The following SMAD1 variants were observed in gnomAD, a reference collection of about 807,000 sequenced individuals.
The protein encoded by SMAD1 is SMAD family member 1, also known as MAD, mothers against decapentaplegic homolog 1.
Under a neutral mutation model 41.6 loss-of-function variants are expected in SMAD1, and 6 were observed. That is an observed-to-expected ratio of 0.14 (90% confidence interval 0.08 to 0.28). SMAD1 has a LOEUF of 0.28. Ranked by LOEUF, SMAD1 falls within the 10% of genes least tolerant of loss-of-function variation. The pLI is 1.00. For missense variants in SMAD1, 379 were observed against 582.6 expected, an observed-to-expected ratio of 0.65 and a Z score of 3.60; for synonymous variants, 206 against 203.2, an observed-to-expected ratio of 1.01 and a Z score of -0.12.
intron 5 of SMAD1, among the ~76,000 whole-genome samples, chr4:145,552,541 T>C (rs1006173819): frequency 6.6e-6 from 1 of 152,190 alleles, no homozygotes; most frequent in African/African-American, 2.4e-5. Context: ...CTTTAAGCAC[T>C]CTGGGTCTCA....
At chr4:145,554,303 A>G (rs1404983865) in intron 6 of SMAD1, among the ~76,000 whole-genome samples, 2 of 152,110 alleles carry the variant, frequency 1.3e-5, no homozygotes, top group South Asian at 2.1e-4. Context: ...CGCTTTAGCT[A>G]TTGTATTACC....
At chr4:145,513,497 G>A (rs1386520414) in intron 1 of SMAD1, 1 of 152,150 alleles carries the variant, frequency 6.6e-6, no homozygotes, top group African/African-American at 2.4e-5. Flanking sequence ...GTGTCCATGT[G>A]CTTTATTCCT....
At chr4:145,553,085 T>TG (rs1732639240) in intron 5 of SMAD1, among the ~76,000 whole-genome samples, 1 of 150,954 alleles carries the variant, frequency 6.6e-6, no homozygotes, top group South Asian at 2.1e-4. Context: ...TTGTATTTTT[T>TG]TTTTTTTTTG....
intron 1 of SMAD1, among the ~76,000 whole-genome samples, chr4:145,502,073 G>A (rs1312911249): frequency 6.6e-6 from 1 of 152,176 alleles, no homozygotes; most frequent in Non-Finnish European, 1.5e-5. Context: ...GACTCAAAGA[G>A]AATAGTTTTT....
In SMAD1 at chr4:145,482,601, C is replaced by T. The variant is rs1173844205; in HGVS notation, c.-177+563C>T. 1 of 152,180 alleles carries T rather than the reference C, an allele frequency of 6.6e-6. No homozygotes were observed. Among genetic ancestry groups the T allele is most frequent in the African/African-American group, 2.4e-5 (1 of 41,434 alleles). The allele number at this position is 152,180 out of a possible 1,614,324, so 9.4% of individuals were successfully genotyped here. On this transcript the variant is annotated intron_variant, in intron 1 of 6. Transcript: ENST00000302085. This position sits in a 1 kb window ranked among gnomAD's most constrained non-coding sequence, Gnocchi z 4.2. ...TCGCGGGCGGGGGACCCCGGCGCCC[C>T]GGGCCCCTCCACATCCCGCACGGGT...
chr4:145,535,646 A>G (rs1358287306), intron 2 of SMAD1, among the ~76,000 whole-genome samples: 2 of 152,304 alleles, frequency 1.3e-5, no homozygotes, highest in East Asian at 3.9e-4. Flanking sequence ...TCAAGAAGAA[A>G]CACAGGATAA....
intron 5 of SMAD1, among the ~76,000 whole-genome samples, chr4:145,547,475 A>G (rs1209433104): frequency 6.6e-6 from 1 of 152,232 alleles, no homozygotes; most frequent in Non-Finnish European, 1.5e-5. Flanking sequence ...AATAAAGACC[A>G]AAAAACAAGC....
At chr4:145,494,562 T>C (rs778860680) in intron 1 of SMAD1, among the ~76,000 whole-genome samples, 1 of 152,226 alleles carries the variant, frequency 6.6e-6, no homozygotes, top group Non-Finnish European at 1.5e-5. Flanking sequence ...CTCCCTTGTC[T>C]ACTCATCAAA....
At chr4:145,536,774 ACTT>A (rs1273276950) in intron 2 of SMAD1, among the ~76,000 whole-genome samples, 5 of 152,316 alleles carry the variant, frequency 3.3e-5, no homozygotes, top group Non-Finnish European at 5.9e-5. Context: ...ATCTCTCACT[ACTT>A]ATTAATTACA....
intron 2 of SMAD1, 71 bp from the exon 3 acceptor site, chr4:145,539,733 C>A: frequency 6.8e-7 from 1 of 1,462,366 alleles, no homozygotes; most frequent in Non-Finnish European, 9.5e-7. Flanking sequence ...TTATGTTTTA[C>A]TTTATTGTGA....
At position 145,552,049 on chromosome 4, in the gene SMAD1, A is replaced by G. The variant is rs979561930; in HGVS notation, c.998-1735A>G. Among the ~76,000 whole-genome samples, 4 of 152,240 alleles carry G rather than the reference A, an allele frequency of 2.6e-5. No homozygotes were observed. The East Asian group carries it at 7.7e-4, about 29-fold the overall frequency. On this transcript the variant is annotated intron_variant, in intron 5 of 6. Transcript: ENST00000302085. ...AAATGTTTGCAAAGACATTTTAATG[A>G]TACCCAAAACTGAATACAGTGTATC...
chr4:145,548,813 TAACTA>T (rs1404370686), intron 5 of SMAD1, among the ~76,000 whole-genome samples: 1 of 152,172 alleles, frequency 6.6e-6, no homozygotes, highest in East Asian at 1.9e-4. Flanking sequence ...TAAAAAGCAT[TAACTA>T]AACAGTGGAG....
At chr4:145,481,349 AGAGT>A (rs1286152793), upstream of SMAD1, 7 of 152,296 alleles carry the variant, frequency 4.6e-5, no homozygotes, top group East Asian at 9.6e-4. Flanking sequence ...AAATTATTGG[AGAGT>A]GAGTGAGGGG....
chr4:145,522,327 T>C (rs191640039), intron 2 of SMAD1, among the ~76,000 whole-genome samples: 1 of 148,790 alleles, frequency 6.7e-6, no homozygotes, highest in Non-Finnish European at 1.5e-5. Context: ...ATGGTCTGGG[T>C]GCAGTGGCTC....
intron 1 of SMAD1, among the ~76,000 whole-genome samples, chr4:145,503,303 G>A (rs954203382): frequency 2.6e-5 from 4 of 152,112 alleles, no homozygotes; most frequent in African/African-American, 4.8e-5. Flanking sequence ...GTGGGTCTCC[G>A]TATGGCTTTC....
intron 1 of SMAD1, among the ~76,000 whole-genome samples, chr4:145,493,362 C>T (rs1217685082): frequency 1.3e-5 from 2 of 152,196 alleles, no homozygotes; most frequent in African/African-American, 2.4e-5. Flanking sequence ...TCTATTACAG[C>T]TTCCTGTTTT....
intron 2 of SMAD1, among the ~76,000 whole-genome samples, chr4:145,531,056 C>T (rs528057308): frequency 1.4e-4 from 22 of 152,340 alleles, no homozygotes; most frequent in African/African-American, 4.8e-4. Context: ...ACCCAGTGAA[C>T]CTTATATTAT....
intron 2 of SMAD1, among the ~76,000 whole-genome samples, chr4:145,516,560 C>T (rs17797966): frequency 0.051 from 7,828 of 152,156 alleles, 246 homozygotes; most frequent in South Asian, 0.081. Flanking sequence ...TACAGTTGCT[C>T]TTGGTTAAGA....
intron 1 of SMAD1, among the ~76,000 whole-genome samples, chr4:145,488,505 G>C (rs964515155): frequency 9.9e-5 from 13 of 130,968 alleles, no homozygotes; most frequent in Non-Finnish European, 2.2e-4. Flanking sequence ...TGTGTGTGTG[G>C]TTTCTTTGTG....
Sources: gnomAD v4.1 joint callset for allele counts (sites outside exome capture counted in the v4.1 genomes callset) on GRCh38, gnomAD v4.1.1 for gene constraint, Gnocchi (gnomAD v3.1) non-coding constraint, MANE v1.5 for transcripts, NCBI Gene and HGNC (gene_info 2026-07-23, HGNC 2026-07-21) for gene names.